Variants in DDX5 observed in about 807,000 individuals in gnomAD.
DDX5 encodes DEAD-box helicase 5.
In DDX5, 6 loss-of-function variants were observed where a neutral mutation model predicts 68.6. That is an observed-to-expected ratio of 0.09 (90% confidence interval 0.05 to 0.17). The LOEUF is 0.17. Among genes scored for constraint, DDX5 ranks in the 10% least tolerant of loss-of-function variants. DDX5 has a pLI of 1.00. For missense variants in DDX5, 499 were observed against 756.1 expected (o/e 0.66, Z 3.99); for synonymous variants, 350 against 247.0 (o/e 1.42, Z -3.91).
chr17:64,504,059 G>C lies in DDX5; in HGVS notation c.365C>G (p.Ala122Gly), dbSNP rs1555671626. The C allele has an allele frequency of 6.2e-7, 1 of 1,614,166 alleles. No homozygotes were observed. Among genetic ancestry groups the C allele is most frequent in the East Asian group, 2.2e-5 (1 of 44,892 alleles). Residue 122 changes from alanine to glycine, a missense_variant, in exon 4 of 13, where the codon GCT (alanine) becomes GGT (glycine). Physicochemically the swap from Ala to Gly is moderately conservative, Grantham distance 60 (BLOSUM62 0). This residue lies in a region of DDX5 where 141 missense variants were observed against 279.8 expected (regional missense o/e 0.50). Coordinates refer to ENST00000225792, the MANE Select transcript of DDX5 (RefSeq NM_004396.5). ...ACTTAGAGCAACTGGCCATCCCTGA[G>C]CTTGAATAGCAGTGGGTTCAGTGAA... ...QNFTEPTAIQ[A>G]QGWPVALSGL... is the part of the protein sequence containing the mutation.
rs1438985335 is a variant in DDX5, at chr17:64,504,195, T to C, written c.307+27A>G. 4 of 1,612,294 alleles carry C rather than the reference T, an allele frequency of 2.5e-6. No homozygotes were observed. In the African/African-American group the frequency reaches 5.3e-5, roughly 22 times the overall value. ...GGGTAGGTGGAAACAAAAACACGGG[T>C]AGGTAGAACTGAAAAGTAGCACTTA... On this transcript the variant is annotated intron_variant, in intron 3 of 12. Transcript: ENST00000225792.
At chr17:64,506,562 A>G (rs2038537273), upstream of DDX5, 3 of 440,612 alleles carry the variant, frequency 6.8e-6, no homozygotes, top group Non-Finnish European at 1.2e-5. Flanking sequence ...GCCCTTTCCC[A>G]AGCCCAGCCC....
intron 11 of DDX5, chr17:64,500,999 C>G (rs964996563): frequency 3.5e-6 from 2 of 570,228 alleles, no homozygotes; most frequent in African/African-American, 3.8e-5. Flanking sequence ...AGTGACAGAC[C>G]CTGTCAAAAG....
intron 1 of DDX5, chr17:64,505,763 G>C (rs1186873730): frequency 6.5e-7 from 1 of 1,536,082 alleles, no homozygotes. Context: ...ATGTTCCTTC[G>C]TCTGCCTCGA....
chr17:64,503,884 G>A lies in DDX5; in HGVS notation c.442-16C>T, dbSNP rs782588607. The A allele has an allele frequency of 5.6e-6, 9 of 1,614,088 alleles. No individual in the cohort carries two copies. The highest frequency in any genetic ancestry group is 5.5e-5 in the South Asian group (5 of 91,066). On this transcript the variant is annotated splice_polypyrimidine_tract_variant and intron_variant, in intron 4 of 12. Transcript: ENST00000225792. Reference sequence around the variant, plus strand: ...GAAGCAAATACTATTTAGGGTGAAAGTGGGGACAAACAGAAATCACATTAA... The same window carrying A: ...GAAGCAAATACTATTTAGGGTGAAAATGGGGACAAACAGAAATCACATTAA...
intron 12 of DDX5, 36 bp downstream of exon 12, chr17:64,500,513 T>G: frequency 6.3e-7 from 1 of 1,586,490 alleles, no homozygotes; most frequent in South Asian, 1.1e-5. Flanking sequence ...ACGATGTGAC[T>G]CGTAACTACC....
chr17:64,502,302 G>C (rs1555671239), intron 9 of DDX5, 79 bp from the exon 10 acceptor site: 2 of 1,517,758 alleles, frequency 1.3e-6, no homozygotes, highest in African/African-American at 2.8e-5. Context: ...TTTGGTCACA[G>C]ATCTCTTTAA....
chr17:64,502,607 C>T, intron 8 of DDX5, 58 bp from the exon 9 acceptor site: 1 of 1,253,490 alleles, frequency 8.0e-7, no homozygotes, highest in Admixed American at 1.8e-5. Context: ...TTGCTAGGGC[C>T]ACACATTTAT....
chr17:64,503,955 A>C (rs1555671601), intron 4 of DDX5, 28 bp downstream of exon 4: 9 of 1,613,980 alleles, frequency 5.6e-6, no homozygotes, highest in Non-Finnish European at 6.8e-6. Flanking sequence ...CATATATCAG[A>C]TCAACTCAAG....
chr17:64,502,808 G>T, intron 8 of DDX5, 118 bp downstream of exon 8: 2 of 1,047,436 alleles, frequency 1.9e-6, no homozygotes, highest in Non-Finnish European at 2.7e-6. Flanking sequence ...GGATTAGTAG[G>T]CTAACTAAAT....
At chr17:64,505,618 C>T (rs2038459515) in intron 1 of DDX5, 7 of 1,021,828 alleles carry the variant, frequency 6.9e-6, no homozygotes, top group African/African-American at 1.6e-5. Context: ...GCATTTTGTA[C>T]TCGCGACTCA....
rs782138202 is a variant in DDX5 at position 64,504,791 on chromosome 17, C to T, written c.96G>A (p.Lys32=). 2.5e-6 allele frequency: 4 copies of T among 1,614,094 alleles called. No homozygotes were observed. The highest frequency in any genetic ancestry group is 3.4e-6 in the Non-Finnish European group (4 of 1,179,982). ...ATTTCTCCCCAGGGTTTCCAAACTT[C>T]TTTCCAGATAAGGGCCCTGCCCTAC... ...GGSRAGPLSG[K]KFGNPGEKLV... The change falls in exon 2 of 13, where the codon AAG becomes AAA. Residue 32 remains lysine, a synonymous_variant. Transcript: ENST00000225792.
At chr17:64,502,570 G>A (rs782268130) in intron 8 of DDX5, 21 bp from the exon 9 acceptor site, 9 of 1,555,736 alleles carry the variant, frequency 5.8e-6, no homozygotes, top group Admixed American at 3.4e-5. Flanking sequence ...GAGAGAGAAA[G>A]GAAAAATCCT....
intron 1 of DDX5, 195 bp from the exon 2 acceptor site, chr17:64,505,037 T>C (rs2038402442): frequency 6.0e-6 from 3 of 496,646 alleles, no homozygotes; most frequent in African/African-American, 4.0e-5. Flanking sequence ...CAAGTACACA[T>C]TACTTAGGTC....
intron 8 of DDX5, 134 bp downstream of exon 8, chr17:64,502,792 T>G: frequency 1.1e-6 from 1 of 938,106 alleles, no homozygotes. Context: ...ATTCAAGAAA[T>G]TTTCAGGATT....
rs558365451 is a variant in DDX5 at position 64,500,443 on chromosome 17, A to C, written c.1441+106T>G. On this transcript the variant is annotated intron_variant, in intron 12 of 12. Transcript: ENST00000225792. ...AAATGTTTTTACAATTTTTCAGCTTAAGTTTTCACATTCAAGGTTTTACTC... is the reference window on the plus strand; with the variant it reads ...AAATGTTTTTACAATTTTTCAGCTTCAGTTTTCACATTCAAGGTTTTACTC... 3.5e-5 allele frequency: 53 copies of C among 1,515,626 alleles called. 1 individual carries two copies. In the South Asian group the frequency reaches 5.9e-4, roughly 17 times the overall value. The allele number at this position is 1,515,626 out of a possible 1,614,324, so 93.9% of individuals were successfully genotyped here. A position where few individuals can be genotyped will look rare whatever the true frequency, so the allele number is the denominator to read the frequency against.
rs76694794 is a variant in DDX5 at position 64,505,962 on chromosome 17, C to G, written c.44+114G>C. 3,465 of 1,539,330 alleles carry G rather than the reference C, an allele frequency of 2.3e-3. 69 individuals are homozygous for G. The African/African-American group carries it at 0.042, about 18-fold the overall frequency. On this transcript the variant is annotated intron_variant, in intron 1 of 12. Transcript: ENST00000225792. ...CGCAAGCCTTCGGGAAAGGAAGTCC[C>G]AAGATAGCCCGGAAAGGCCAAGTCC...
Position 64,504,690 on chromosome 17 carries a change from G to A in DDX5, c.197C>T (p.Ala66Val), listed in dbSNP as rs1555671786. The A allele has an allele frequency of 1.9e-6, 3 of 1,612,810 alleles. No individual in the cohort carries two copies. The highest frequency in any genetic ancestry group is 2.2e-5 in the South Asian group (2 of 90,836). The change falls in exon 2 of 13, where the codon GCT (alanine) becomes GTT (valine). Residue 66 changes from alanine (A) to valine (V), a missense_variant. Coordinates refer to ENST00000225792, the MANE Select transcript of DDX5 (RefSeq NM_004396.5). ...GAATTTACTCACTGCTGTGCGCCTA[G>A]CCAAATCAGGGTGCTCTTGATAAAA... ...KNFYQEHPDL[A>V]RRTAQEVETY...
intron 5 of DDX5, 29 bp downstream of exon 5, chr17:64,503,774 C>A: frequency 6.3e-7 from 1 of 1,599,748 alleles, no homozygotes; most frequent in Non-Finnish European, 8.5e-7. Flanking sequence ...CATTATGCTT[C>A]TAATAAAAAG....
Sources: allele counts gnomAD v4.1 joint callset, GRCh38; gene constraint gnomAD v4.1.1; regional missense constraint gnomAD v4.1.1; transcripts MANE v1.5; gene names NCBI Gene and HGNC (gene_info 2026-07-23, HGNC 2026-07-21).